Variants in FANCM observed in about 807,000 individuals in gnomAD.
FANCM encodes the protein Fanconi anemia group M protein.
Under a neutral mutation model 199.5 loss-of-function variants are expected in FANCM, and 140 were observed. That is an observed-to-expected ratio of 0.70 (90% CI 0.61 to 0.81). FANCM has a LOEUF of 0.81. FANCM is among the 30% of genes least tolerant of loss of function. FANCM has a pLI of 0.00. For missense variants in FANCM, 2,410 were observed against 2,421.4 expected, an observed-to-expected ratio of 1.00 and a Z score of 0.10; for synonymous variants, 840 against 836.8, an observed-to-expected ratio of 1.00 and a Z score of -0.07.
Position 45,175,420 on chromosome 14 carries a change from T to A in FANCM, c.2666T>A (p.Ile889Asn), listed in dbSNP as rs899246804. The A allele has an allele frequency of 6.3e-7, 1 of 1,580,428 alleles. No homozygotes were observed. Among genetic ancestry groups the A allele is most frequent in the South Asian group, 1.2e-5 (1 of 85,444 alleles). ...GACAGAAATTCCACTGTTGAAAATA[T>A]TTTTCAAGAAGACCTACCAAATGAT... ...DNDRNSTVEN[I>N]FQEDLPNDKR... Residue 889 changes from isoleucine to asparagine, a missense_variant, in exon 14 of 23, where the codon ATT (isoleucine) becomes AAT (asparagine). Transcript: ENST00000267430.
chr14:45,151,117 T>C (rs1886785496), intron 4 of FANCM, among the ~76,000 whole-genome samples: 1 of 152,180 alleles, frequency 6.6e-6, no homozygotes, highest in African/African-American at 2.4e-5. Flanking sequence ...ATAGTGTGTG[T>C]AGGTTGAGAG....
At chr14:45,160,002 G>GTTTT (rs200603043) in intron 9 of FANCM, among the ~76,000 whole-genome samples, 5 of 121,992 alleles carry the variant, frequency 4.1e-5, no homozygotes, top group East Asian at 2.3e-4. Context: ...TTTTTTTTTT[G>GTTTT]TTTTTTTTTT....
intron 3 of FANCM, among the ~76,000 whole-genome samples, chr14:45,145,699 C>T (rs111738058): frequency 0.09 from 13,757 of 152,062 alleles, 768 homozygotes; most frequent in South Asian, 0.18. Flanking sequence ...CCAAGGCAGG[C>T]GGATCAGGAG....
chr14:45,150,034 A>G (rs1035993093), intron 4 of FANCM, among the ~76,000 whole-genome samples: 9 of 152,350 alleles, frequency 5.9e-5, no homozygotes, highest in Admixed American at 2.6e-4. Context: ...ATTTGTGGTA[A>G]CACATTGTTT....
At position 45,148,151 on chromosome 14, in the gene FANCM, C is replaced by T. The variant is rs147180119; in HGVS notation, c.760-686C>T. On this transcript the variant is annotated intron_variant, in intron 3 of 22. Transcript: ENST00000267430. ...GGCGGAGGTTGCAGTTAGCCGATAT[C>T]GTGCCACTGTGCTCCAGCCCGGGTG... Among the ~76,000 whole-genome samples the T allele has an allele frequency of 3.6e-3, 542 of 151,150 alleles. 5 individuals carry two copies. The highest frequency in any genetic ancestry group is 0.012 in the African/African-American group (512 of 41,160).
chr14:45,137,317 A>T, intron 2 of FANCM, 76 bp downstream of exon 2: 1 of 1,134,618 alleles, frequency 8.8e-7, no homozygotes, highest in Non-Finnish European at 1.3e-6. Context: ...GTTACTAGTG[A>T]TGGAAGTTAT....
chr14:45,188,358 C>T (rs1889541577), intron 19 of FANCM, among the ~76,000 whole-genome samples: 1 of 152,018 alleles, frequency 6.6e-6, no homozygotes, highest in East Asian at 1.9e-4. Flanking sequence ...AAAAAGATTC[C>T]TTTTTTGTCC....
intron 3 of FANCM, among the ~76,000 whole-genome samples, chr14:45,141,274 C>G (rs1335306122): frequency 8.2e-6 from 1 of 122,132 alleles, no homozygotes. Context: ...GGCGACAGAG[C>G]GAGGCTCCGT....
chr14:45,136,932 A>T (rs1375446438), intron 1 of FANCM, 137 bp from the exon 2 acceptor site: 3 of 740,878 alleles, frequency 4.0e-6, no homozygotes. Context: ...TTTAAAATGT[A>T]GCATTCCGAT....
At position 45,176,176 on chromosome 14, in the gene FANCM, A is replaced by G. The variant is rs1339100109; in HGVS notation, c.3422A>G (p.Asn1141Ser). ...DESLLLFEDV[N>S]TEFDDVSLSP... ...AGTTTGCTGTTATTTGAAGATGTTA[A>G]TACAGAGTTCGACGATGTGAGTCTT... The change falls in exon 14 of 23, where the codon AAT becomes AGT. Residue 1141 changes from asparagine to serine, a missense_variant. Physicochemically the swap from Asn to Ser is conservative, Grantham distance 46 (BLOSUM62 1). Coordinates refer to ENST00000267430, the MANE Select transcript of FANCM (RefSeq NM_020937.4). The G allele has an allele frequency of 5.0e-6, 8 of 1,614,122 alleles. No homozygotes were observed. Among genetic ancestry groups the G allele is most frequent in the Non-Finnish European group, 5.9e-6 (7 of 1,179,984 alleles).
At chr14:45,136,990 T>A (rs1265283689) in intron 1 of FANCM, 79 bp from the exon 2 acceptor site, 1 of 1,082,738 alleles carries the variant, frequency 9.2e-7, no homozygotes, top group Non-Finnish European at 1.4e-6. Context: ...CATGTTTGCA[T>A]TCTGAAAAAG....
chr14:45,148,783 A>T (rs1277286021), intron 3 of FANCM, 54 bp from the exon 4 acceptor site: 37 of 1,324,750 alleles, frequency 2.8e-5, no homozygotes, highest in Non-Finnish European at 3.9e-5. Flanking sequence ...TAGTGACTTA[A>T]ACTAAAAAAT....
Position 45,159,131 on chromosome 14 carries a change from C to G in FANCM, c.1432C>G (p.Arg478Gly), listed in dbSNP as rs552052505. The change falls in exon 9 of 23, where the codon CGA becomes GGA. Residue 478 changes from arginine to glycine, a missense_variant. By Grantham distance (125) the Arg-to-Gly change is moderately radical (BLOSUM62 -2). Coordinates refer to ENST00000267430, the MANE Select transcript of FANCM (RefSeq NM_020937.4). ...TACTGAAAAGAAACGTGATGAGACC[C>G]GAGTTATGATCTTCTCTTCATTTCG... ...NTTEKKRDET[R>G]VMIFSSFRDS... 1.2e-6 allele frequency: 2 copies of G among 1,611,736 alleles called. No individual in the cohort carries two copies. Among genetic ancestry groups the G allele is most frequent in the Non-Finnish European group, 1.7e-6 (2 of 1,178,368 alleles).
At chr14:45,188,337 C>T (rs983179532) in intron 19 of FANCM, among the ~76,000 whole-genome samples, 3 of 152,106 alleles carry the variant, frequency 2.0e-5, no homozygotes, top group African/African-American at 7.2e-5. Flanking sequence ...AAAACTCCAT[C>T]TCAAAAAGTA....
chr14:45,159,898 A>G (rs748683169), intron 9 of FANCM, among the ~76,000 whole-genome samples: 23 of 151,836 alleles, frequency 1.5e-4, no homozygotes, highest in East Asian at 3.9e-4. Flanking sequence ...ATGTAAGTCT[A>G]TACTTGAGTA....
intron 14 of FANCM, among the ~76,000 whole-genome samples, chr14:45,181,203 T>C (rs191794243): frequency 3.3e-5 from 5 of 152,336 alleles, no homozygotes; most frequent in African/African-American, 1.2e-4. Flanking sequence ...CAAATATGTG[T>C]TTATTAGCAA....
chr14:45,148,710 TG>T (rs1886604123), intron 3 of FANCM, 126 bp from the exon 4 acceptor site: 1 of 652,194 alleles, frequency 1.5e-6, no homozygotes, highest in South Asian at 1.8e-5. Flanking sequence ...CTTTCTTTTT[TG>T]TTACTTAATG....
intron 6 of FANCM, among the ~76,000 whole-genome samples, chr14:45,154,398 T>TAAA: frequency 7.9e-6 from 1 of 125,990 alleles, no homozygotes; most frequent in African/African-American, 3.0e-5. Context: ...GAGACTGTCT[T>TAAA]AAAAAAAAAA....
chr14:45,173,289 A>G, intron 13 of FANCM, 79 bp downstream of exon 13: 1 of 1,289,308 alleles, frequency 7.8e-7, no homozygotes, highest in Non-Finnish European at 1.1e-6. Context: ...CTTAATTTGA[A>G]GTAATAAGAA....
Sources: gnomAD v4.1 joint callset for allele counts (sites outside exome capture counted in the v4.1 genomes callset) on GRCh38, gnomAD v4.1.1 for gene constraint, MANE v1.5 for transcripts, NCBI Gene and HGNC (gene_info 2026-07-23, HGNC 2026-07-21) for gene names.